RFX4: variants seen among roughly 807,000 people sequenced by gnomAD.
RFX4 encodes regulatory factor X4.
RFX4 carries 10 observed loss-of-function variants against 95.0 expected under a neutral mutation model. That is an observed-to-expected ratio of 0.11 (90% CI 0.06 to 0.18). The LOEUF is 0.18. Among genes scored for constraint, RFX4 ranks in the 10% least tolerant of loss-of-function variants. The pLI is 1.00. For synonymous variants in RFX4, 321 were observed against 340.7 expected, an observed-to-expected ratio of 0.94 and a Z score of 0.64; for missense variants, 640 against 922.0, an observed-to-expected ratio of 0.69 and a Z score of 3.96.
chr12:106,693,319 C>T (rs1006534411), intron 7 of RFX4, among the ~76,000 whole-genome samples: 3 of 152,184 alleles, frequency 2.0e-5, no homozygotes, highest in African/African-American at 7.2e-5. Flanking sequence ...GATCAGCCTT[C>T]CCAGTGCAGC....
At chr12:106,612,665 C>T (rs998371112) in intron 2 of RFX4, among the ~76,000 whole-genome samples, 2 of 152,066 alleles carry the variant, frequency 1.3e-5, no homozygotes, top group Non-Finnish European at 2.9e-5. Flanking sequence ...TGGCAAAACC[C>T]CATCTCTACT....
At chr12:106,711,355 A>G (rs2042188389) in intron 9 of RFX4, 98 bp from the exon 10 acceptor site, 1 of 1,121,840 alleles carries the variant, frequency 8.9e-7, no homozygotes, top group Non-Finnish European at 1.3e-6. Flanking sequence ...AAACGTAGGC[A>G]AAATAAGCAG....
At chr12:106,736,459 C>G (rs2137575200) in intron 15 of RFX4, among the ~76,000 whole-genome samples, 1 of 152,300 alleles carries the variant, frequency 6.6e-6, no homozygotes, top group African/African-American at 2.4e-5. Context: ...TTAAGGACCA[C>G]TGCCTGAGGG....
At chr12:106,723,328 T>C (rs1356592223) in intron 13 of RFX4, among the ~76,000 whole-genome samples, 12 of 152,216 alleles carry the variant, frequency 7.9e-5, no homozygotes, top group Admixed American at 6.5e-4. Flanking sequence ...AGTTTTGTTT[T>C]TAAAAAACAC....
At position 106,613,421 on chromosome 12, in the gene RFX4, G is replaced by A. The variant is rs531080716; in HGVS notation, c.130+4538G>A. On this transcript the variant is annotated intron_variant, in intron 2 of 17. Transcript: ENST00000392842. ...TCTTTTGCCCAGGCTGGAGTGCAAT[G>A]GCACAATCTTGGCTCACTGCAACCC... Among the ~76,000 whole-genome samples, 21 of 150,808 alleles carry A rather than the reference G, an allele frequency of 1.4e-4. No homozygotes were observed. The South Asian group carries it at 1.7e-3, about 12-fold the overall frequency.
intron 4 of RFX4, chr12:106,662,398 T>C (rs2041092818): frequency 6.5e-6 from 1 of 153,336 alleles, no homozygotes; most frequent in Non-Finnish European, 1.5e-5. Context: ...TTGGTCCATC[T>C]TTTAATTGGG....
chr12:106,726,929 G>A (rs1407185749), intron 13 of RFX4, among the ~76,000 whole-genome samples: 4 of 151,872 alleles, frequency 2.6e-5, no homozygotes, highest in African/African-American at 9.7e-5. Context: ...GTACCACCAC[G>A]CCCAGCTAAT....
chr12:106,715,385 T>C lies in RFX4; in HGVS notation c.994-15T>C. 1 of 1,609,728 alleles carries C rather than the reference T, an allele frequency of 6.2e-7. No homozygotes were observed. The highest frequency in any genetic ancestry group is 1.7e-5 in the Admixed American group (1 of 59,718). ...ACAACCCATGAGCTAACGAGTTGAT[T>C]GGATTGGATTATAGGCATCTCGAAC... is the stretch of plus-strand genomic sequence containing the variant. On this transcript the variant is annotated splice_polypyrimidine_tract_variant and intron_variant, in intron 10 of 17. Coordinates refer to ENST00000392842, the MANE Select transcript of RFX4 (RefSeq NM_213594.3).
chr12:106,608,715 C>CTCTTCACA, intron 1 of RFX4, 82 bp from the exon 2 acceptor site: 1 of 1,255,656 alleles, frequency 8.0e-7, no homozygotes, highest in South Asian at 1.5e-5. Flanking sequence ...GATGTTCTGT[C>CTCTTCACA]TCTTCACAAA....
chr12:106,716,956 C>T (rs747451437), intron 11 of RFX4, among the ~76,000 whole-genome samples: 2 of 147,722 alleles, frequency 1.4e-5, no homozygotes, highest in African/African-American at 5.1e-5. Flanking sequence ...AGCTTCATCA[C>T]CAGGCCTTAG....
intron 13 of RFX4, among the ~76,000 whole-genome samples, chr12:106,728,227 C>T (rs546414489): frequency 6.6e-6 from 1 of 151,168 alleles, no homozygotes; most frequent in South Asian, 2.1e-4. Flanking sequence ...TGCCTTTTTC[C>T]ATAACAGGCT....
At chr12:106,681,952 A>C in intron 4 of RFX4, 41 bp from the exon 5 acceptor site, 1 of 1,609,840 alleles carries the variant, frequency 6.2e-7, no homozygotes, top group Non-Finnish European at 8.5e-7. Context: ...TATGCTCCCA[A>C]CTCTTCCCAA....
At chr12:106,631,709 G>T (rs1198544693) in intron 2 of RFX4, among the ~76,000 whole-genome samples, 1 of 152,162 alleles carries the variant, frequency 6.6e-6, no homozygotes, top group Non-Finnish European at 1.5e-5. Flanking sequence ...AAAACTGTGA[G>T]AAATCAATTT....
intron 1 of RFX4, among the ~76,000 whole-genome samples, chr12:106,590,350 T>C (rs982203149): frequency 5.9e-5 from 9 of 152,276 alleles, no homozygotes; most frequent in African/African-American, 2.2e-4. Flanking sequence ...GTACATTATC[T>C]GTGTAATGCT....
chr12:106,614,808 C>T (rs980940523), intron 2 of RFX4, among the ~76,000 whole-genome samples: 7 of 152,112 alleles, frequency 4.6e-5, no homozygotes, highest in African/African-American at 1.2e-4. Flanking sequence ...CACGCCTGGC[C>T]GCCTGTGTGT....
intron 10 of RFX4, chr12:106,714,942 T>C (rs1169968507): frequency 6.5e-6 from 1 of 152,948 alleles, no homozygotes; most frequent in African/African-American, 2.4e-5. Context: ...ATACACACTT[T>C]GAAATTTCTG....
At chr12:106,593,035 G>A (rs1033837297) in intron 1 of RFX4, among the ~76,000 whole-genome samples, 2 of 152,148 alleles carry the variant, frequency 1.3e-5, no homozygotes, top group Non-Finnish European at 2.9e-5. Flanking sequence ...GTTTATGTGT[G>A]TCATATCCCA....
At chr12:106,636,936 C>A (rs999084330) in intron 2 of RFX4, among the ~76,000 whole-genome samples, 3 of 152,110 alleles carry the variant, frequency 2.0e-5, no homozygotes, top group African/African-American at 7.2e-5. Flanking sequence ...CTGCTTTCAT[C>A]TAGTTATTGT....
intron 7 of RFX4, among the ~76,000 whole-genome samples, chr12:106,690,060 C>T (rs1316403588): frequency 6.6e-6 from 1 of 151,968 alleles, no homozygotes; most frequent in Non-Finnish European, 1.5e-5. Context: ...CCCAGAAATT[C>T]CTTTGGTGTG....
Sources: allele counts gnomAD v4.1 joint callset (sites outside exome capture counted in the v4.1 genomes callset), GRCh38; gene constraint gnomAD v4.1.1; transcripts MANE v1.5; gene names NCBI Gene and HGNC (gene_info 2026-07-23, HGNC 2026-07-21).